F13A1: variants seen among roughly 807,000 people sequenced by gnomAD.
F13A1 encodes FSF, A subunit.
F13A1 carries 47 observed loss-of-function variants against 80.1 expected under a neutral mutation model. That is an observed-to-expected ratio of 0.59 (90% CI 0.46 to 0.75). F13A1 has a LOEUF of 0.75. Among genes scored for constraint, F13A1 ranks in the 30% least tolerant of loss-of-function variants. The pLI, the probability that F13A1 is intolerant of heterozygous loss-of-function variation, is 0.00. For missense variants in F13A1, 817 were observed against 930.4 expected (o/e 0.88, Z 1.59); for synonymous variants, 349 against 344.9 (o/e 1.01, Z -0.13).
At chr6:6,309,242 A>G (rs1049456984) in intron 2 of F13A1, among the ~76,000 whole-genome samples, 1 of 151,010 alleles carries the variant, frequency 6.6e-6, no homozygotes, top group Non-Finnish European at 1.5e-5. Flanking sequence ...GTAAACGCAC[A>G]GCAGTAGATG....
intron 3 of F13A1, among the ~76,000 whole-genome samples, chr6:6,284,281 A>G (rs559050250): frequency 4.9e-4 from 75 of 152,320 alleles, no homozygotes; most frequent in African/African-American, 1.8e-3. Flanking sequence ...ACAAATATGA[A>G]AGTTAGAAAA....
At chr6:6,191,933 A>G (rs1443215789) in intron 10 of F13A1, among the ~76,000 whole-genome samples, 2 of 152,340 alleles carry the variant, frequency 1.3e-5, no homozygotes. Flanking sequence ...GCAGATGGTG[A>G]TATTTTAGGT....
chr6:6,224,913 A>G, intron 6 of F13A1, 53 bp from the exon 7 acceptor site: 2 of 1,600,104 alleles, frequency 1.2e-6, no homozygotes, highest in East Asian at 2.2e-5. Context: ...AGGTTTGTCT[A>G]CTCCAGGCTA....
At chr6:6,148,967 C>A (rs1008190819) in intron 14 of F13A1, among the ~76,000 whole-genome samples, 7 of 149,644 alleles carry the variant, frequency 4.7e-5, no homozygotes, top group African/African-American at 1.5e-4. Flanking sequence ...ACAAATACTA[C>A]ATGATTTCAC....
At chr6:6,237,526 A>AT (rs1272449658) in intron 6 of F13A1, among the ~76,000 whole-genome samples, 3 of 152,128 alleles carry the variant, frequency 2.0e-5, no homozygotes, top group Non-Finnish European at 2.9e-5. Flanking sequence ...GTTGCTGGAA[A>AT]TGTTATTCTC....
At chr6:6,179,727 C>T (rs559250757) in intron 11 of F13A1, among the ~76,000 whole-genome samples, 8 of 152,282 alleles carry the variant, frequency 5.3e-5, no homozygotes, top group Admixed American at 6.5e-5. Flanking sequence ...GATGAGTCGT[C>T]GCTTACAACC....
chr6:6,278,375 A>C (rs1758016482), intron 3 of F13A1, among the ~76,000 whole-genome samples: 1 of 152,182 alleles, frequency 6.6e-6, no homozygotes, highest in Non-Finnish European at 1.5e-5. Flanking sequence ...GACATTTGAG[A>C]AGAGACTTGA....
At chr6:6,236,974 A>G (rs1622769) in intron 6 of F13A1, among the ~76,000 whole-genome samples, 24,163 of 152,060 alleles carry the variant, frequency 0.16, 2,135 homozygotes, top group African/African-American at 0.22. Flanking sequence ...GTGGATGTCA[A>G]ATTGTGCTTC....
intron 4 of F13A1, among the ~76,000 whole-genome samples, chr6:6,252,476 A>T (rs1757646958): frequency 6.6e-6 from 1 of 152,264 alleles, no homozygotes. Flanking sequence ...ATGTACAGGT[A>T]AAATAATATG....
chr6:6,302,152 G>C (rs961628295), intron 3 of F13A1, among the ~76,000 whole-genome samples: 1 of 152,134 alleles, frequency 6.6e-6, no homozygotes, highest in Non-Finnish European at 1.5e-5. Flanking sequence ...CCTCAGACAA[G>C]TCCAATTCAG....
chr6:6,285,273 G>C (rs1758121461), intron 3 of F13A1, among the ~76,000 whole-genome samples: 1 of 152,192 alleles, frequency 6.6e-6, no homozygotes, highest in African/African-American at 2.4e-5. Flanking sequence ...CAGAGATGGG[G>C]TCTTTCATTC....
At chr6:6,221,398 A>G (rs1757190283) in intron 8 of F13A1, among the ~76,000 whole-genome samples, 2 of 152,350 alleles carry the variant, frequency 1.3e-5, no homozygotes, top group Middle Eastern at 3.4e-3. Flanking sequence ...AAAGGTGACA[A>G]TATAATCAAG....
chr6:6,260,644 G>T (rs538802278), intron 4 of F13A1, among the ~76,000 whole-genome samples: 1 of 152,164 alleles, frequency 6.6e-6, no homozygotes, highest in African/African-American at 2.4e-5. Flanking sequence ...TATGCTTTGC[G>T]TGCTAGGCCG....
At chr6:6,175,600 G>A (rs2151075363) in intron 11 of F13A1, among the ~76,000 whole-genome samples, 1 of 152,344 alleles carries the variant, frequency 6.6e-6, no homozygotes, top group Non-Finnish European at 1.5e-5. Context: ...GCCTCCTGGA[G>A]ATGTTCTCCA....
rs1235127944 is a variant in F13A1 at position 6,145,172 on chromosome 6, A to C, written c.*447T>G. 2.3e-5 allele frequency: 5 copies of C among 219,226 alleles called. No homozygotes were observed. The highest frequency in any genetic ancestry group is 4.6e-5 in the Non-Finnish European group (5 of 108,850). 13.6% of individuals were successfully genotyped at this position (219,226 alleles called of 1,614,324 possible). ...ATTCTCACATGGAGGGTAGAACCTG[A>C]CCCCGAGAAAGGGGACTGGAATTCT... On this transcript the variant is annotated 3_prime_UTR_variant, in exon 15 of 15. Transcript: ENST00000264870.
At chr6:6,280,751 T>C (rs1404455924) in intron 3 of F13A1, among the ~76,000 whole-genome samples, 1 of 152,230 alleles carries the variant, frequency 6.6e-6, no homozygotes. Flanking sequence ...TCTTCTCTCA[T>C]TTCCTCTGGT....
intron 4 of F13A1, among the ~76,000 whole-genome samples, chr6:6,252,815 T>G (rs572746983): frequency 6.6e-6 from 1 of 152,300 alleles, no homozygotes; most frequent in African/African-American, 2.4e-5. Flanking sequence ...TCAGAAGTTT[T>G]GGAACTTTGC....
chr6:6,235,710 T>A (rs1249690643), intron 6 of F13A1, among the ~76,000 whole-genome samples: 1 of 152,066 alleles, frequency 6.6e-6, no homozygotes, highest in East Asian at 1.9e-4. Context: ...CCATCCAATT[T>A]AGGAAACAGT....
Position 6,298,492 on chromosome 6 carries a change from C to T in F13A1, c.319+6859G>A, listed in dbSNP as rs565237849. ...TCTTCTTGTTGAATTGATCCCTTTA[C>T]CATTATGTAATGGCCTTCTTTGTCT... On this transcript the variant is annotated intron_variant, in intron 3 of 14. Coordinates refer to ENST00000264870, the MANE Select transcript of F13A1 (RefSeq NM_000129.4). Among the ~76,000 whole-genome samples the T allele has an allele frequency of 8.7e-5, 13 of 149,872 alleles. No individual in the cohort carries two copies. In the South Asian group the frequency reaches 2.5e-3, roughly 29 times the overall value.
Sources: gnomAD v4.1 joint callset for allele counts (sites outside exome capture counted in the v4.1 genomes callset) on GRCh38, gnomAD v4.1.1 for gene constraint, MANE v1.5 for transcripts, NCBI Gene and HGNC (gene_info 2026-07-23, HGNC 2026-07-21) for gene names.